Variants in UFD1 observed in about 807,000 individuals in gnomAD.
The protein encoded by UFD1 is ubiquitin recognition factor in ER associated degradation 1, also known as ubiquitin recognition factor in ER-associated degradation protein 1.
In UFD1, 13 loss-of-function variants were observed where a neutral mutation model predicts 45.9. The observed-to-expected ratio is 0.28, with a 90% CI of 0.18 to 0.45. The LOEUF is 0.45. Ranked by LOEUF, UFD1 falls within the 20% of genes least tolerant of loss-of-function variation. UFD1 has a pLI of 1.00. For synonymous variants in UFD1, 128 were observed against 139.2 expected, an observed-to-expected ratio of 0.92 and a Z score of 0.56; for missense variants, 218 against 389.2, an observed-to-expected ratio of 0.56 and a Z score of 3.70.
At chr22:19,457,498 C>T (rs577483321) in intron 7 of UFD1, among the ~76,000 whole-genome samples, 3 of 152,298 alleles carry the variant, frequency 2.0e-5, no homozygotes, top group East Asian at 3.9e-4. Flanking sequence ...AGGTTCAGTA[C>T]GCTTCCTTAG....
intron 4 of UFD1, among the ~76,000 whole-genome samples, chr22:19,468,299 T>C (rs1264697371): frequency 6.6e-6 from 1 of 152,178 alleles, no homozygotes; most frequent in Non-Finnish European, 1.5e-5. Context: ...AGCATTTTCC[T>C]GGAATAGTCA....
intron 6 of UFD1, among the ~76,000 whole-genome samples, chr22:19,460,374 G>A (rs2089757309): frequency 6.6e-6 from 1 of 152,172 alleles, no homozygotes; most frequent in Admixed American, 6.5e-5. Context: ...GAACTGAAAA[G>A]GAAAGAATTG....
At chr22:19,468,233 C>T (rs181988707) in intron 4 of UFD1, among the ~76,000 whole-genome samples, 19 of 152,318 alleles carry the variant, frequency 1.2e-4, no homozygotes, top group Admixed American at 9.2e-4. Flanking sequence ...ACAGTGTGAA[C>T]GCATCTCTGC....
intron 6 of UFD1, among the ~76,000 whole-genome samples, chr22:19,460,640 A>C (rs1213765121): frequency 6.6e-6 from 1 of 152,104 alleles, no homozygotes; most frequent in Admixed American, 6.5e-5. Context: ...GCTCACCAAG[A>C]CAAGTACTGG....
chr22:19,467,966 A>G lies in UFD1; in HGVS notation c.329T>C (p.Val110Ala), dbSNP rs559496644. The G allele has an allele frequency of 1.9e-6, 3 of 1,614,156 alleles. No individual in the cohort carries two copies. Among genetic ancestry groups the G allele is most frequent in the African/African-American group, 2.7e-5 (2 of 75,030 alleles). ...QNLLLEEGGL[V>A]QVESVNLQVA... ...TTGAAGGTTGACGCTCTCCACCTGG[A>G]CCAGGCCGCCTTCTTCCAAGAGTAA... The change falls in exon 5 of 12, where the codon GTC (valine) becomes GCC (alanine). Residue 110 changes from valine (V) to alanine (A), a missense_variant. Physicochemically the swap from Val to Ala is moderately conservative, Grantham distance 64 (BLOSUM62 0). Coordinates refer to ENST00000263202, the MANE Select transcript of UFD1 (RefSeq NM_005659.7).
chr22:19,478,390 C>T (rs2089907653), intron 1 of UFD1, among the ~76,000 whole-genome samples: 1 of 152,208 alleles, frequency 6.6e-6, no homozygotes, highest in African/African-American at 2.4e-5. Flanking sequence ...ACAGACTTGG[C>T]TTCAACTCTC....
At position 19,475,123 on chromosome 22, in the gene UFD1, A is replaced by T. The variant is rs1268394037; in HGVS notation, c.137-23T>A. ...TTACTGTGGAAAGAACATTTAAGAAATATTAAAAAATAAAAATAAAAAGGA... is the reference window on the plus strand; with the variant it reads ...TTACTGTGGAAAGAACATTTAAGAATTATTAAAAAATAAAAATAAAAAGGA... On this transcript the variant is annotated intron_variant, in intron 2 of 11. Coordinates refer to ENST00000263202, the MANE Select transcript of UFD1 (RefSeq NM_005659.7). The T allele has an allele frequency of 2.5e-6, 4 of 1,598,296 alleles. No homozygotes were observed. In the African/African-American group the frequency reaches 5.4e-5, roughly 22 times the overall value.
chr22:19,453,431 G>A, intron 11 of UFD1: 1 of 985,392 alleles, frequency 1.0e-6, no homozygotes, highest in Non-Finnish European at 1.2e-6. Flanking sequence ...CATATTTATG[G>A]TCAAACAGGC....
Position 19,456,612 on chromosome 22 carries a change from C to A in UFD1, c.653G>T (p.Gly218Val), listed in dbSNP as rs775637652. ...ESTEGEADHS[G>V]YAGELGFRAF... The stretch of plus-strand genomic sequence containing the variant: ...GCGGAAGCCCAGCTCTCCAGCATAG[C>A]CACTGTGGTCGGCTTCACCTTCCTG... Residue 218 changes from glycine to valine, a missense_variant, in exon 9 of 12, where the codon GGC (glycine) becomes GTC (valine). Physicochemically the swap from Gly to Val is moderately radical, Grantham distance 109. Coordinates refer to ENST00000263202, the MANE Select transcript of UFD1 (RefSeq NM_005659.7). The A allele has an allele frequency of 3.1e-6, 5 of 1,614,052 alleles. No homozygotes were observed. In the East Asian group the frequency reaches 1.1e-4, roughly 36 times the overall value.
At chr22:19,470,515 C>T (rs2089836758) in intron 4 of UFD1, among the ~76,000 whole-genome samples, 1 of 151,652 alleles carries the variant, frequency 6.6e-6, no homozygotes, top group South Asian at 2.1e-4. Context: ...GATCTCGGCT[C>T]ACTGCAACCT....
chr22:19,469,935 G>C (rs775969834), intron 4 of UFD1: 2 of 518,502 alleles, frequency 3.9e-6, no homozygotes, highest in Non-Finnish European at 7.7e-6. Context: ...TCAAGTCTAT[G>C]GGTTAAAGGA....
Position 19,456,650 on chromosome 22 carries a change from A to G in UFD1, c.631-16T>C. ...CTTCACCTTCCTGACAGGGAAAAAG[A>G]AAAACAGGTGAGCTCCTCAGCGGGG... On this transcript the variant is annotated splice_polypyrimidine_tract_variant and intron_variant, in intron 8 of 11. Transcript: ENST00000263202. The G allele has an allele frequency of 6.2e-7, 1 of 1,614,198 alleles. No individual in the cohort carries two copies. Among genetic ancestry groups the G allele is most frequent in the Non-Finnish European group, 8.5e-7 (1 of 1,180,036 alleles).
chr22:19,451,497 G>A, intron 11 of UFD1: 1 of 985,252 alleles, frequency 1.0e-6, no homozygotes, highest in Non-Finnish European at 1.2e-6. Flanking sequence ...GCAGAAAGAG[G>A]GATTGTTTTT....
chr22:19,465,055 C>T (rs562811949), intron 6 of UFD1, 147 bp downstream of exon 6: 2 of 707,646 alleles, frequency 2.8e-6, no homozygotes, highest in Non-Finnish European at 4.8e-6. Flanking sequence ...TAAATATGAA[C>T]CCGGGAAAAC....
At chr22:19,454,508 C>T (rs962993382) in intron 11 of UFD1, 16 of 870,568 alleles carry the variant, frequency 1.8e-5, no homozygotes, top group Non-Finnish European at 2.6e-5. Context: ...TCTCTGCCTG[C>T]TACCATCCAT....
intron 1 of UFD1, 101 bp from the exon 2 acceptor site, chr22:19,475,703 G>T: frequency 7.4e-7 from 1 of 1,356,968 alleles, no homozygotes; most frequent in Non-Finnish European, 1.0e-6. Context: ...AACATTGTCA[G>T]AGAACACAAT....
Position 19,467,906 on chromosome 22 carries a change from G to A in UFD1, c.389C>T (p.Pro130Leu). The change falls in exon 5 of 12, where the codon CCT (proline) becomes CTT (leucine). Residue 130 changes from proline to leucine, a missense_variant. Physicochemically the swap from Pro to Leu is moderately conservative, Grantham distance 98. Around this residue, in one of 2 missense-constraint regions of UFD1, gnomAD observed 149 missense variants for 307.5 expected, o/e 0.48. Coordinates refer to ENST00000263202, the MANE Select transcript of UFD1 (RefSeq NM_005659.7). Reference protein sequence around the residue: ...ATYSKFQPQSPDFLDITNPKA... With the variant: ...ATYSKFQPQSLDFLDITNPKA... Reference sequence around the variant, plus strand: ...GGGGTTGGTGATGTCCAGGAAGTCAGGGCTCTGAGGTTGGAATTTGGAGTA... The same window carrying A: ...GGGGTTGGTGATGTCCAGGAAGTCAAGGCTCTGAGGTTGGAATTTGGAGTA... The A allele has an allele frequency of 6.2e-7, 1 of 1,614,178 alleles. No homozygotes were observed. The highest frequency in any genetic ancestry group is 8.5e-7 in the Non-Finnish European group (1 of 1,180,016).
At chr22:19,453,802 C>T in intron 11 of UFD1, 1 of 985,552 alleles carries the variant, frequency 1.0e-6, no homozygotes, top group Non-Finnish European at 1.2e-6. Context: ...ATTGGGATGG[C>T]TCCCATGTAG....
chr22:19,455,925 A>G (rs2089719568), intron 9 of UFD1, among the ~76,000 whole-genome samples, 157 bp from the exon 10 acceptor site: 1 of 152,212 alleles, frequency 6.6e-6, no homozygotes, highest in South Asian at 2.1e-4. Flanking sequence ...CTGGCAGCTA[A>G]GAACTCTGCC....
Sources: gnomAD v4.1 joint callset for allele counts (sites outside exome capture counted in the v4.1 genomes callset) on GRCh38, gnomAD v4.1.1 for gene constraint, gnomAD v4.1.1 regional missense constraint, MANE v1.5 for transcripts, NCBI Gene and HGNC (gene_info 2026-07-23, HGNC 2026-07-21) for gene names.